VGLL4: variants seen among roughly 807,000 people sequenced by gnomAD.
The protein encoded by VGLL4 is vestigial like family member 4, also known as transcription cofactor vestigial-like protein 4.
A neutral mutation model predicts 21.0 loss-of-function variants in VGLL4; 7 were observed. That is an observed-to-expected ratio of 0.33 (90% CI 0.19 to 0.63). The LOEUF (loss-of-function observed/expected upper bound fraction) is 0.63. Among genes scored for constraint, VGLL4 ranks in the 20% least tolerant of loss-of-function variants. The probability of loss-of-function intolerance (pLI) is 0.78; values close to 1 mark genes in which losing one functional copy is unlikely to be tolerated. For missense variants in VGLL4, 394 were observed against 425.7 expected (o/e 0.93, Z 0.66); for synonymous variants, 222 against 173.2 (o/e 1.28, Z -2.21).
intron 2 of VGLL4, among the ~76,000 whole-genome samples, chr3:11,665,239 G>A (rs1472833407): frequency 2.7e-5 from 4 of 146,896 alleles, no homozygotes; most frequent in Admixed American, 7.0e-5. Flanking sequence ...TCAGCCTCCC[G>A]AGTAGCTGGG....
rs565311515 is a variant in VGLL4, at chr3:11,559,138, GGT to G, written c.619+192_619+193del. Among the ~76,000 whole-genome samples the G allele has an allele frequency of 3.2e-3, 495 of 152,338 alleles. 4 individuals are homozygous for G. Among genetic ancestry groups the G allele is most frequent in the African/African-American group, 0.01 (435 of 41,578 alleles). ...ATGAGACCCTGGAACTGAGCGAGGC[GGT>G]GTGTTTCTCATGCCCTTCCCACCCA... is the stretch of plus-strand genomic sequence containing the variant. On this transcript the variant is annotated intron_variant, in intron 4 of 4. Coordinates refer to ENST00000430365, the MANE Select transcript of VGLL4 (RefSeq NM_001128219.3).
intron 3 of VGLL4, among the ~76,000 whole-genome samples, chr3:11,560,093 T>G (rs17034656): frequency 0.014 from 2,143 of 151,064 alleles, 56 homozygotes; most frequent in African/African-American, 0.05. Flanking sequence ...CAAACTCCCC[T>G]TGTTCCTTCA....
intron 1 of VGLL4, among the ~76,000 whole-genome samples, chr3:11,636,353 T>TA (rs1291895531): frequency 7.9e-5 from 12 of 152,228 alleles, no homozygotes; most frequent in African/African-American, 2.9e-4. Flanking sequence ...AACAGGAAAC[T>TA]ATTTTCATGC....
intron 2 of VGLL4, among the ~76,000 whole-genome samples, chr3:11,580,101 G>A (rs771422787): frequency 1.3e-5 from 2 of 152,054 alleles, no homozygotes; most frequent in African/African-American, 4.8e-5. Flanking sequence ...ATGTTGTGCC[G>A]CCAACCGCAC....
intron 1 of VGLL4, among the ~76,000 whole-genome samples, chr3:11,621,250 G>A (rs1042809297): frequency 6.6e-6 from 1 of 152,136 alleles, no homozygotes; most frequent in Non-Finnish European, 1.5e-5. Context: ...GTGGGGCTGT[G>A]CAACAATCAC....
At chr3:11,626,366 T>C (rs1454621828) in intron 1 of VGLL4, 1 of 456,792 alleles carries the variant, frequency 2.2e-6, no homozygotes, top group East Asian at 6.9e-5. Flanking sequence ...CCTGTGTGGG[T>C]GGAAATGTAT....
chr3:11,582,413 A>G lies in VGLL4; in HGVS notation c.273-17394T>C, dbSNP rs1025561789. On this transcript the variant is annotated intron_variant, in intron 2 of 4. Coordinates refer to ENST00000430365, the MANE Select transcript of VGLL4 (RefSeq NM_001128219.3). ...GGATGGGCGGGCGCTTGTCAGAATA[A>G]AAGTCCTCCCTGAAAGGAGGGTTGC... 8.5e-6 allele frequency: 13 copies of G among 1,534,386 alleles called. No homozygotes were observed. The African/African-American group carries it at 1.4e-4, about 16-fold the overall frequency.
chr3:11,663,666 C>G (rs943213095), intron 2 of VGLL4, among the ~76,000 whole-genome samples: 1 of 152,034 alleles, frequency 6.6e-6, no homozygotes, highest in African/African-American at 2.4e-5. Context: ...TGCAGTAAGC[C>G]GAGATCATGC....
At chr3:11,685,933 T>C (rs578081538) in intron 2 of VGLL4, among the ~76,000 whole-genome samples, 3 of 152,332 alleles carry the variant, frequency 2.0e-5, no homozygotes, top group African/African-American at 7.2e-5. Flanking sequence ...AACCGGCACA[T>C]GCAAACATGC....
chr3:11,678,219 T>C (rs2076322130), intron 2 of VGLL4, among the ~76,000 whole-genome samples: 1 of 152,084 alleles, frequency 6.6e-6, no homozygotes, highest in African/African-American at 2.4e-5. Context: ...CACATCTGGC[T>C]AATTTTTTGT....
intron 2 of VGLL4, 113 bp downstream of exon 2, chr3:11,601,720 C>A: frequency 1.6e-6 from 2 of 1,268,866 alleles, no homozygotes; most frequent in Middle Eastern, 2.1e-4. Context: ...TAAATAATAT[C>A]CTTTTCAAAT....
At position 11,599,278 on chromosome 3, in the gene VGLL4, T is replaced by C. The variant is rs118021497; in HGVS notation, c.272+2555A>G. Reference sequence around the variant, plus strand: ...ACACTTAAGAAAATACATTTTATAATATATATATTTTTTACCACAATAAAA... The same window carrying C: ...ACACTTAAGAAAATACATTTTATAACATATATATTTTTTACCACAATAAAA... On this transcript the variant is annotated intron_variant, in intron 2 of 4. Coordinates refer to ENST00000430365, the MANE Select transcript of VGLL4 (RefSeq NM_001128219.3). Among the ~76,000 whole-genome samples the C allele has an allele frequency of 5.4e-3, 815 of 151,962 alleles. 20 individuals carry two copies. Among genetic ancestry groups the C allele is most frequent in the East Asian group, 0.042 (216 of 5,094 alleles).
chr3:11,666,177 G>A (rs970940626), intron 2 of VGLL4, among the ~76,000 whole-genome samples: 7 of 151,890 alleles, frequency 4.6e-5, no homozygotes, highest in East Asian at 1.9e-4. Flanking sequence ...GCGTGAACCC[G>A]GGAGGCGGAG....
At chr3:11,707,372 G>C (rs2125409425) in intron 1 of VGLL4, among the ~76,000 whole-genome samples, 1 of 150,488 alleles carries the variant, frequency 6.6e-6, no homozygotes, top group South Asian at 2.1e-4. Flanking sequence ...GTTCTGTGTA[G>C]GATGGTTTGA....
At chr3:11,643,326 G>A in intron 1 of VGLL4, 111 bp downstream of exon 1, 1 of 1,546,768 alleles carries the variant, frequency 6.5e-7, no homozygotes, top group Non-Finnish European at 8.8e-7. Flanking sequence ...CCTTTCAAGT[G>A]CCCTACACCC....
At chr3:11,689,989 G>T (rs1490981821) in intron 2 of VGLL4, among the ~76,000 whole-genome samples, 1 of 152,066 alleles carries the variant, frequency 6.6e-6, no homozygotes, top group African/African-American at 2.4e-5. Context: ...CACTCTGCTC[G>T]GCTTCTCTCT....
chr3:11,703,008 G>A, exon 2 of VGLL4: 1 of 1,612,806 alleles, frequency 6.2e-7, no homozygotes. Flanking sequence ...ATGCTGCCCT[G>A]GACAAAACAT....
At chr3:11,643,309 A>G in intron 1 of VGLL4, 128 bp downstream of exon 1, 1 of 1,443,464 alleles carries the variant, frequency 6.9e-7, no homozygotes, top group Non-Finnish European at 9.5e-7. Context: ...AACCTAAGAA[A>G]CGCCGGCCTT....
chr3:11,679,306 G>A (rs969688061), intron 2 of VGLL4, among the ~76,000 whole-genome samples: 7 of 151,930 alleles, frequency 4.6e-5, no homozygotes, highest in African/African-American at 1.7e-4. Flanking sequence ...CCTGACCCTT[G>A]TCTAGGATAA....
Sources: gnomAD v4.1 joint callset for allele counts (sites outside exome capture counted in the v4.1 genomes callset) on GRCh38, gnomAD v4.1.1 for gene constraint, MANE v1.5 for transcripts, NCBI Gene and HGNC (gene_info 2026-07-23, HGNC 2026-07-21) for gene names.